The following OR56A3 variants were observed in gnomAD, a reference collection of about 807,000 sequenced individuals.
OR56A3 encodes the protein olfactory receptor 56A3.
In OR56A3, 23 loss-of-function variants were observed where a neutral mutation model predicts 17.5. The ratio of observed to expected loss-of-function variants is 1.32; its 90% confidence interval spans 0.95 to 1.87. OR56A3 has a LOEUF of 1.87. Ranked by LOEUF, OR56A3 falls within the 40% of genes most tolerant of loss-of-function variation. The pLI is 0.00. For synonymous variants in OR56A3, 175 were observed against 150.6 expected (o/e 1.16, Z -1.19); for missense variants, 366 against 380.1 (o/e 0.96, Z 0.31).
the OR56A3 span, among the ~76,000 whole-genome samples, chr11:5,959,542 T>C: frequency 6.6e-6 from 1 of 152,206 alleles, no homozygotes; most frequent in African/African-American, 2.4e-5. Context: ...CCTTATATAT[T>C]TTAAACATTA....
the OR56A3 span, among the ~76,000 whole-genome samples, chr11:6,011,777 G>C: frequency 6.6e-6 from 1 of 152,200 alleles, no homozygotes; most frequent in Non-Finnish European, 1.5e-5. Context: ...CAGGCACAGA[G>C]CAGTGAGGGG....
At chr11:5,996,120 C>T in the OR56A3 span, among the ~76,000 whole-genome samples, 48,555 of 151,880 alleles carry the variant, frequency 0.32, 7,966 homozygotes, top group South Asian at 0.5. Context: ...ATGTTTATTG[C>T]GGCACTATTT....
At chr11:5,995,473 G>C in the OR56A3 span, among the ~76,000 whole-genome samples, 12 of 152,132 alleles carry the variant, frequency 7.9e-5, no homozygotes, top group Non-Finnish European at 1.5e-4. Context: ...ATGGCACCAT[G>C]ACTCTTGAGT....
At chr11:6,011,738 G>T in the OR56A3 span, among the ~76,000 whole-genome samples, 1 of 152,152 alleles carries the variant, frequency 6.6e-6, no homozygotes, top group Non-Finnish European at 1.5e-5. Flanking sequence ...TACCAGCCTG[G>T]ATCCCACACC....
At chr11:6,015,877 G>A in the OR56A3 span, among the ~76,000 whole-genome samples, 1 of 152,194 alleles carries the variant, frequency 6.6e-6, no homozygotes, top group South Asian at 2.1e-4. Context: ...GGACTTTCAA[G>A]CTAATGTTGG....
At chr11:6,000,891 T>C in the OR56A3 span, 1 of 152,212 alleles carries the variant, frequency 6.6e-6, no homozygotes, top group Non-Finnish European at 1.5e-5. Flanking sequence ...TGTAGAGATA[T>C]TTATTTTAAT....
At chr11:5,968,398 G>T in the OR56A3 span, 1 of 1,612,434 alleles carries the variant, frequency 6.2e-7, no homozygotes, top group Non-Finnish European at 8.5e-7. Flanking sequence ...AGGCTGAGGG[G>T]CAGAGACAGC....
chr11:5,951,558 C>T (rs1847908152), downstream of OR56A3, among the ~76,000 whole-genome samples: 1 of 152,010 alleles, frequency 6.6e-6, no homozygotes, highest in Non-Finnish European at 1.5e-5. Context: ...CTGGTGAGAC[C>T]TTGCATTTTC....
At chr11:5,959,642 G>A in the OR56A3 span, among the ~76,000 whole-genome samples, 1 of 152,058 alleles carries the variant, frequency 6.6e-6, no homozygotes, top group East Asian at 1.9e-4. Flanking sequence ...TCTATTGATT[G>A]CTTTCTTTGC....
At chr11:5,978,810 G>A in the OR56A3 span, among the ~76,000 whole-genome samples, 1 of 152,122 alleles carries the variant, frequency 6.6e-6, no homozygotes, top group African/African-American at 2.4e-5. Context: ...CAAGGGGAGT[G>A]CTTCCAGCTT....
At chr11:6,009,913 A>G in the OR56A3 span, among the ~76,000 whole-genome samples, 33 of 152,058 alleles carry the variant, frequency 2.2e-4, no homozygotes, top group African/African-American at 7.7e-4. Flanking sequence ...TCTATTTCCC[A>G]TTCCATTCTG....
At chr11:6,002,293 C>T in the OR56A3 span, 50 of 1,614,048 alleles carry the variant, frequency 3.1e-5, no homozygotes, top group Non-Finnish European at 3.7e-5. Context: ...ACAGCACCCT[C>T]GGCCTTGATC....
At chr11:5,963,514 T>G in the OR56A3 span, among the ~76,000 whole-genome samples, 1 of 152,186 alleles carries the variant, frequency 6.6e-6, no homozygotes, top group Non-Finnish European at 1.5e-5. Flanking sequence ...ACTTTGAATA[T>G]ATCATTCTAC....
At chr11:5,981,638 C>G in the OR56A3 span, among the ~76,000 whole-genome samples, 1 of 152,272 alleles carries the variant, frequency 6.6e-6, no homozygotes. Context: ...TGTTGCCATC[C>G]AGATTCTAAA....
chr11:5,952,781 G>A (rs923341789), downstream of OR56A3, among the ~76,000 whole-genome samples: 6 of 152,126 alleles, frequency 3.9e-5, no homozygotes, highest in African/African-American at 1.4e-4. Context: ...CCAACAGTTT[G>A]TTTTCAACAT....
rs1039685873 is a variant in OR56A3 at position 5,948,982 on chromosome 11, T to C, written c.*688T>C. Reference sequence around the variant, plus strand: ...GATATATGAGATTCTTGAATCCTCTTCCCCAATGTGTCTGTGCTTAGAACA... The same window carrying C: ...GATATATGAGATTCTTGAATCCTCTCCCCCAATGTGTCTGTGCTTAGAACA... On this transcript the variant is annotated 3_prime_UTR_variant, in exon 3 of 3. Coordinates refer to ENST00000641160, the MANE Select transcript of OR56A3 (RefSeq NM_001003443.3). 6.6e-6 allele frequency: 1 copy of C among 152,400 alleles called. No individual in the cohort carries two copies. Among genetic ancestry groups the C allele is most frequent in the African/African-American group, 2.4e-5 (1 of 41,582 alleles). 9.4% of individuals were successfully genotyped at this position (152,400 alleles called of 1,614,324 possible). A position where few individuals can be genotyped will look rare whatever the true frequency, so the allele number is the denominator to read the frequency against.
chr11:6,017,543 A>G, the OR56A3 span, among the ~76,000 whole-genome samples: 1 of 152,196 alleles, frequency 6.6e-6, no homozygotes, highest in Non-Finnish European at 1.5e-5. Context: ...AATACTGCTA[A>G]CCAAGAAACC....
chr11:5,986,726 T>C, the OR56A3 span: 1 of 1,613,898 alleles, frequency 6.2e-7, no homozygotes, highest in Non-Finnish European at 8.5e-7. Flanking sequence ...GATGGGTCCA[T>C]CCAGATGATG....
At chr11:5,986,978 C>A in the OR56A3 span, 1 of 1,563,906 alleles carries the variant, frequency 6.4e-7, no homozygotes, top group Non-Finnish European at 8.7e-7. Context: ...ATGGGGCAAC[C>A]ATCATCCTGA....
Sources: allele counts gnomAD v4.1 joint callset (sites outside exome capture counted in the v4.1 genomes callset), GRCh38; gene constraint gnomAD v4.1.1; transcripts MANE v1.5; gene names NCBI Gene and HGNC (gene_info 2026-07-23, HGNC 2026-07-21).